HERC2: variants seen among roughly 807,000 people sequenced by gnomAD.
HERC2 encodes the protein HECT and RLD domain containing E3 ubiquitin protein ligase 2.
In HERC2, 102 loss-of-function variants were observed where a neutral mutation model predicts 537.7. That is an observed-to-expected ratio of 0.19 (90% CI 0.16 to 0.22). The LOEUF is 0.22. HERC2 is among the 10% of genes least tolerant of loss of function. The pLI, the probability that HERC2 is intolerant of heterozygous loss-of-function variation, is 1.00. For synonymous variants in HERC2, 2,224 were observed against 2,466.2 expected (o/e 0.90, Z 2.91); for missense variants, 4,236 against 6,198.2 (o/e 0.68, Z 10.63).
chr15:28,174,622 T>G lies in HERC2; in HGVS notation c.9832-2A>C, dbSNP rs1393447917. ...GTCGTTGTCACCCCAAGCATACACC[T>G]GTTTACGAGGAGAAAAAAGCTTATA... On this transcript the variant is annotated splice_acceptor_variant, in intron 64 of 92. Coordinates refer to ENST00000261609, the MANE Select transcript of HERC2 (RefSeq NM_004667.6). LOFTEE classifies it high-confidence loss of function. The G allele has an allele frequency of 6.3e-7, 1 of 1,575,212 alleles. No individual in the cohort carries two copies. Among genetic ancestry groups the G allele is most frequent in the South Asian group, 1.1e-5 (1 of 88,904 alleles).
At chr15:28,240,149 T>G (rs1456062190) in intron 23 of HERC2, among the ~76,000 whole-genome samples, 2 of 152,188 alleles carry the variant, frequency 1.3e-5, no homozygotes, top group Admixed American at 6.5e-5. Flanking sequence ...GAGGGCGCAG[T>G]GGCTCACGCC....
intron 92 of HERC2, 136 bp from the exon 93 acceptor site, chr15:28,112,171 A>C: frequency 1.3e-6 from 1 of 798,910 alleles, no homozygotes; most frequent in Non-Finnish European, 2.0e-6. Context: ...AATCCAAACA[A>C]CTTTAGGAGT....
chr15:28,189,836 T>C (rs952441374), intron 55 of HERC2, among the ~76,000 whole-genome samples: 1 of 152,152 alleles, frequency 6.6e-6, no homozygotes, highest in African/African-American at 2.4e-5. Context: ...AATAAAACTT[T>C]TTTAAAAAAT....
At chr15:28,184,577 T>C (rs1896120948) in intron 56 of HERC2, among the ~76,000 whole-genome samples, 1 of 152,116 alleles carries the variant, frequency 6.6e-6, no homozygotes, top group South Asian at 2.1e-4. Flanking sequence ...TTAATAATTT[T>C]ATGGCCAGGC....
At chr15:28,305,397 T>A (rs2076757936) in intron 2 of HERC2, among the ~76,000 whole-genome samples, 1 of 149,102 alleles carries the variant, frequency 6.7e-6, no homozygotes, top group Admixed American at 6.7e-5. Flanking sequence ...ATCTGATCTT[T>A]GACAAACCTG....
Position 28,204,041 on chromosome 15 carries a change from C to G in HERC2, c.7213-1427G>C, listed in dbSNP as rs1211634433. ...ACAAAATCATTAGAAAGCCTGGCACCAAGCCACCTCAGGATCAAGGAGGAC... is the reference window on the plus strand; with the variant it reads ...ACAAAATCATTAGAAAGCCTGGCACGAAGCCACCTCAGGATCAAGGAGGAC... On this transcript the variant is annotated intron_variant, in intron 45 of 92. Coordinates refer to ENST00000261609, the MANE Select transcript of HERC2 (RefSeq NM_004667.6). 1.3e-4 allele frequency: 20 copies of G among 152,116 alleles called. 1 individual carries two copies. The highest frequency in any genetic ancestry group is 1.3e-3 in the Admixed American group (20 of 15,274). The allele number at this position is 152,116 out of a possible 1,614,324, so 9.4% of individuals were successfully genotyped here. A position where few individuals can be genotyped will look rare whatever the true frequency, so the allele number is the denominator to read the frequency against.
At chr15:28,253,427 C>CTTA (rs1442177166) in intron 20 of HERC2, among the ~76,000 whole-genome samples, 1 of 152,208 alleles carries the variant, frequency 6.6e-6, no homozygotes, top group African/African-American at 2.4e-5. Context: ...CATCCACCTG[C>CTTA]TTATTAGTAA....
chr15:28,176,344 C>G lies in HERC2; in HGVS notation c.9686+84G>C, dbSNP rs533403633. 1.8e-5 allele frequency: 23 copies of G among 1,293,014 alleles called. No homozygotes were observed. In the South Asian group the frequency reaches 3.0e-4, roughly 17 times the overall value. 80.1% of individuals were successfully genotyped at this position (1,293,014 alleles called of 1,614,324 possible). On this transcript the variant is annotated intron_variant, in intron 63 of 92. Transcript: ENST00000261609. This position sits in a 1 kb window ranked among gnomAD's most constrained non-coding sequence, Gnocchi z 5.0. ...AAAAAGAGGACACGTCACAATCACGCCGGGTGAGCCTGGGGCGAGGCCCAG... is the reference window on the plus strand; with the variant it reads ...AAAAAGAGGACACGTCACAATCACGGCGGGTGAGCCTGGGGCGAGGCCCAG...
chr15:28,191,242 G>A lies in HERC2; in HGVS notation c.8454C>T (p.His2818=), dbSNP rs368500253. ...CTGGGAAAATCTCCAAACGAATCCA[G>A]TGCTTTAGAAAAACAAAAAAACCAC... ...CWQSSGSQGK[H]WIRLEIFPDV... is the part of the protein sequence containing the mutation. Residue 2818 remains histidine, a splice_region_variant and synonymous_variant, in exon 54 of 93, where the codon CAC becomes CAT. Transcript: ENST00000261609. 401 of 1,606,554 alleles carry A rather than the reference G, an allele frequency of 2.5e-4. No individual in the cohort carries two copies. The highest frequency in any genetic ancestry group is 3.2e-4 in the Non-Finnish European group (381 of 1,176,320).
intron 69 of HERC2, among the ~76,000 whole-genome samples, chr15:28,157,568 C>T (rs10162835): frequency 0.13 from 20,076 of 152,122 alleles, 4,452 homozygotes; most frequent in African/African-American, 0.46. Context: ...GTAGTTTGTA[C>T]TTCTATGGAA....
At chr15:28,169,402 C>A (rs767484824) in intron 66 of HERC2, 82 bp downstream of exon 66, 2 of 998,556 alleles carry the variant, frequency 2.0e-6, no homozygotes, top group Non-Finnish European at 3.0e-6. Flanking sequence ...TTGGAGACAT[C>A]TGATCAACGA....
chr15:28,129,377 G>A (rs549092775), intron 83 of HERC2, among the ~76,000 whole-genome samples: 2 of 152,176 alleles, frequency 1.3e-5, no homozygotes, highest in Admixed American at 6.5e-5. Flanking sequence ...GCTGTCTGCC[G>A]GGAAGCTGGG....
intron 53 of HERC2, 127 bp downstream of exon 53, chr15:28,191,834 A>G: frequency 3.0e-6 from 2 of 670,816 alleles, no homozygotes; most frequent in South Asian, 4.1e-5. Flanking sequence ...ATAAATTAAA[A>G]CATAACGTGA....
chr15:28,130,437 AG>A, intron 82 of HERC2, 65 bp downstream of exon 82: 1 of 1,577,092 alleles, frequency 6.3e-7, no homozygotes, highest in South Asian at 1.1e-5. Context: ...ATCCATGAAA[AG>A]GTGGTGCACA....
chr15:28,124,876 T>G (rs1039990898), intron 84 of HERC2, 130 bp downstream of exon 84: 1 of 954,402 alleles, frequency 1.0e-6, no homozygotes, highest in Non-Finnish European at 1.5e-6. Flanking sequence ...AAATGCACTG[T>G]GTGGTTAACA....
rs1314045976 is a variant in HERC2 at position 28,257,260 on chromosome 15, C to G, written c.2318G>C (p.Ser773Thr). 1.2e-6 allele frequency: 2 copies of G among 1,613,402 alleles called. No homozygotes were observed. The highest frequency in any genetic ancestry group is 2.7e-5 in the African/African-American group (2 of 74,930). ...CTCAGAACATGATGACCAAGCAAAG[C>G]TCTAAGAGGAAACGCAACAATCTAA... ...IVGIACGPAQ[S>T]FAWSSCSEWS... Residue 773 changes from serine (S) to threonine (T), a missense_variant and splice_region_variant, in exon 17 of 93, where the codon AGC (serine) becomes ACC (threonine). Around this residue, in one of 27 missense-constraint regions of HERC2, gnomAD observed 754 missense variants for 1,085.0 expected, o/e 0.69. Transcript: ENST00000261609.
rs748119675 is a variant in HERC2 at position 28,141,812 on chromosome 15, C to T, written c.11735G>A (p.Ser3912Asn). The T allele has an allele frequency of 8.7e-6, 14 of 1,614,018 alleles. No individual in the cohort carries two copies. The highest frequency in any genetic ancestry group is 5.5e-5 in the South Asian group (5 of 91,054). ...CTCATGCAGAACATCCATGTTTTCG[C>T]TGTCTGCCATTAATTCACGAATTTT... ...AKKIRELMADSENMDVLHESH... is the reference protein window; with the variant it reads ...AKKIRELMADNENMDVLHESH... The change falls in exon 77 of 93, where the codon AGC becomes AAC. Residue 3912 changes from serine to asparagine, a missense_variant. Coordinates refer to ENST00000261609, the MANE Select transcript of HERC2 (RefSeq NM_004667.6).
chr15:28,147,730 T>A (rs1488802605), intron 70 of HERC2, among the ~76,000 whole-genome samples: 1 of 151,918 alleles, frequency 6.6e-6, no homozygotes, highest in African/African-American at 2.4e-5. Context: ...AATAAAAAGT[T>A]ATTGTTAGAA....
chr15:28,189,715 C>T (rs1026162036), intron 55 of HERC2, among the ~76,000 whole-genome samples: 1 of 152,150 alleles, frequency 6.6e-6, no homozygotes, highest in Non-Finnish European at 1.5e-5. Context: ...GTGATGGATA[C>T]ATTATTTAGC....
Sources: allele counts gnomAD v4.1 joint callset (sites outside exome capture counted in the v4.1 genomes callset), GRCh38; gene constraint gnomAD v4.1.1; regional missense constraint gnomAD v4.1.1; non-coding constraint Gnocchi (gnomAD v3.1); transcripts MANE v1.5; gene names NCBI Gene and HGNC (gene_info 2026-07-23, HGNC 2026-07-21).